The following KIRREL3 variants were observed in gnomAD, a reference collection of about 807,000 sequenced individuals.
KIRREL3 encodes kirre like nephrin family adhesion molecule 3.
Under a neutral mutation model 89.7 loss-of-function variants are expected in KIRREL3, and 36 were observed. The ratio of observed to expected loss-of-function variants is 0.40; its 90% CI spans 0.31 to 0.53. KIRREL3 has a LOEUF of 0.53. Among genes scored for constraint, KIRREL3 ranks in the 20% least tolerant of loss-of-function variants. KIRREL3 has a pLI of 0.49. For missense variants in KIRREL3, 864 were observed against 1,056.6 expected, an observed-to-expected ratio of 0.82 and a Z score of 2.53; for synonymous variants, 445 against 441.4, an observed-to-expected ratio of 1.01 and a Z score of -0.10.
At position 126,685,659 on chromosome 11, in the gene KIRREL3, T is replaced by G. The variant is rs1591958035; in HGVS notation, c.56-122747A>C. ...TAACAGATAAACCTTAATTAAAACA[T>G]TCCAAAATACCATGGCTGAGTTAAA... On this transcript the variant is annotated intron_variant, in intron 1 of 16. Transcript: ENST00000525144. This position sits in a 1 kb window ranked among gnomAD's most constrained non-coding sequence, Gnocchi z 5.5. 2.0e-5 allele frequency among the ~76,000 whole-genome samples: 3 copies of G among 152,352 alleles called. No individual in the cohort carries two copies. Among genetic ancestry groups the G allele is most frequent in the Admixed American group, 6.5e-5 (1 of 15,308 alleles).
At chr11:126,820,383 A>G (rs1943169392) in intron 1 of KIRREL3, among the ~76,000 whole-genome samples, 1 of 152,192 alleles carries the variant, frequency 6.6e-6, no homozygotes, top group African/African-American at 2.4e-5. Flanking sequence ...AGATACACGC[A>G]TAGAAGATCT....
Position 126,521,511 on chromosome 11 carries a change from GAC to G in KIRREL3, c.284-49_284-48del. The stretch of plus-strand genomic sequence containing the variant: ...CAGGGAGCTGGGGTGGGGTGGAGGG[GAC>G]ACCCATGACAAAGAGGCACAGAATG... On this transcript the variant is annotated intron_variant, in intron 3 of 16. Coordinates refer to ENST00000525144, the MANE Select transcript of KIRREL3 (RefSeq NM_032531.4). This position sits in a 1 kb window ranked among gnomAD's most constrained non-coding sequence, Gnocchi z 4.1. The G allele has an allele frequency of 2.0e-6, 3 of 1,516,528 alleles. No individual in the cohort carries two copies. Among genetic ancestry groups the G allele is most frequent in the Non-Finnish European group, 2.7e-6 (3 of 1,122,530 alleles). 93.9% of individuals were successfully genotyped at this position (1,516,528 alleles called of 1,614,324 possible). A position where few individuals can be genotyped will look rare whatever the true frequency, so the allele number is the denominator to read the frequency against.
chr11:126,487,787 G>T (rs1306600747), intron 4 of KIRREL3, among the ~76,000 whole-genome samples: 2 of 152,178 alleles, frequency 1.3e-5, no homozygotes, highest in African/African-American at 4.8e-5. Flanking sequence ...TTACCCTGTG[G>T]GGACAGTCAC....
chr11:126,933,779 G>GAA (rs35968116), intron 1 of KIRREL3, among the ~76,000 whole-genome samples: 7,965 of 146,862 alleles, frequency 0.054, 244 homozygotes, highest in Middle Eastern at 0.12. Context: ...CACCAAAAAG[G>GAA]AAAAAAAAAA....
chr11:126,445,611 C>T (rs905125676), intron 9 of KIRREL3, among the ~76,000 whole-genome samples: 43 of 152,274 alleles, frequency 2.8e-4, no homozygotes, highest in African/African-American at 6.0e-4. Context: ...GCTTGGTCTG[C>T]GTTCGAATCC....
At chr11:126,831,825 A>G (rs1400732734) in intron 1 of KIRREL3, among the ~76,000 whole-genome samples, 1 of 152,174 alleles carries the variant, frequency 6.6e-6, no homozygotes, top group Non-Finnish European at 1.5e-5. Flanking sequence ...TGAGGGTTTG[A>G]CATAACAGAT....
chr11:126,992,179 C>T (rs555618428), intron 1 of KIRREL3, among the ~76,000 whole-genome samples: 2 of 152,316 alleles, frequency 1.3e-5, no homozygotes, highest in South Asian at 4.1e-4. Context: ...GAATGCATCA[C>T]CTACTCCCTA....
At position 126,463,179 on chromosome 11, in the gene KIRREL3, C is replaced by T. The variant is rs754939539; in HGVS notation, c.720G>A (p.Thr240=). The T allele has an allele frequency of 1.5e-5, 24 of 1,613,510 alleles. No individual in the cohort carries two copies. Among genetic ancestry groups the T allele is most frequent in the Admixed American group, 1.7e-5 (1 of 59,988 alleles). ...TNKAIPGGKE[T]SVTIDIQHPP... is the part of the protein sequence containing the mutation. ...CACGCTGGATGTCAATGGTGACCGACGTCTCCTTTCCTCCGGGGATGGCTT... is the reference window on the plus strand; with the variant it reads ...CACGCTGGATGTCAATGGTGACCGATGTCTCCTTTCCTCCGGGGATGGCTT... The change falls in exon 6 of 17, where the codon ACG becomes ACA. Residue 240 remains threonine, a synonymous_variant. Transcript: ENST00000525144. The surrounding 1 kb of genome is among the most constrained non-coding windows in gnomAD (Gnocchi z 5.9).
rs528307319 is a variant in KIRREL3 at position 126,839,695 on chromosome 11, T to C, written c.55+160760A>G. On this transcript the variant is annotated intron_variant, in intron 1 of 16. Coordinates refer to ENST00000525144, the MANE Select transcript of KIRREL3 (RefSeq NM_032531.4). ...GTGAAGGTCTTTGCTGTGGTGGAAGTGTGTTATCTCCCTGAAACATCCAGG... is the reference window on the plus strand; with the variant it reads ...GTGAAGGTCTTTGCTGTGGTGGAAGCGTGTTATCTCCCTGAAACATCCAGG... Among the ~76,000 whole-genome samples the C allele has an allele frequency of 2.8e-4, 42 of 152,308 alleles. No homozygotes were observed. In the South Asian group the frequency reaches 8.7e-3, roughly 32 times the overall value.
In KIRREL3 at chr11:126,783,417, T is replaced by C. The variant is rs1017537605; in HGVS notation, c.55+217038A>G. 1.3e-5 allele frequency among the ~76,000 whole-genome samples: 2 copies of C among 152,174 alleles called. No homozygotes were observed. The highest frequency in any genetic ancestry group is 2.9e-5 in the Non-Finnish European group (2 of 68,036). On this transcript the variant is annotated intron_variant, in intron 1 of 16. Coordinates refer to ENST00000525144, the MANE Select transcript of KIRREL3 (RefSeq NM_032531.4). This position sits in a 1 kb window ranked among gnomAD's most constrained non-coding sequence, Gnocchi z 4.3. ...GCAATATCCCTGCTTCAAAATAAGGTCATATTCTGTGGTATTGGGTGTTAG... is the reference window on the plus strand; with the variant it reads ...GCAATATCCCTGCTTCAAAATAAGGCCATATTCTGTGGTATTGGGTGTTAG...
Position 126,523,273 on chromosome 11 carries a change from G to A in KIRREL3, c.284-1809C>T, listed in dbSNP as rs1958651794. On this transcript the variant is annotated intron_variant, in intron 3 of 16. Transcript: ENST00000525144. The surrounding 1 kb of genome is among the most constrained non-coding windows in gnomAD (Gnocchi z 4.9). ...GAGGTGATTTCTACACCGGGTGAAA[G>A]ATCAGACTAGAGGAGCTTGAAGGCC... 1.3e-5 allele frequency among the ~76,000 whole-genome samples: 2 copies of A among 152,158 alleles called. No individual in the cohort carries two copies. Among genetic ancestry groups the A allele is most frequent in the Admixed American group, 6.5e-5 (1 of 15,278 alleles).
chr11:126,487,644 A>T (rs1241268225), intron 4 of KIRREL3, among the ~76,000 whole-genome samples: 1 of 152,214 alleles, frequency 6.6e-6, no homozygotes, highest in Non-Finnish European at 1.5e-5. Context: ...AAAAAGGGCA[A>T]TATTTTTAGA....
intron 6 of KIRREL3, among the ~76,000 whole-genome samples, chr11:126,456,802 G>A (rs1329896151): frequency 2.0e-5 from 3 of 152,212 alleles, no homozygotes; most frequent in South Asian, 4.1e-4. Flanking sequence ...AGAGAGGGGC[G>A]CGTGGACACT....
At chr11:126,552,105 CT>C (rs1169646987) in intron 2 of KIRREL3, among the ~76,000 whole-genome samples, 1 of 152,200 alleles carries the variant, frequency 6.6e-6, no homozygotes, top group African/African-American at 2.4e-5. Context: ...ATTGGATTTC[CT>C]TCATTTTATA....
Position 126,997,570 on chromosome 11 carries a change from C to A in KIRREL3, c.55+2885G>T, listed in dbSNP as rs957922057. Among the ~76,000 whole-genome samples, 2 of 152,166 alleles carry A rather than the reference C, an allele frequency of 1.3e-5. No individual in the cohort carries two copies. Among genetic ancestry groups the A allele is most frequent in the Non-Finnish European group, 2.9e-5 (2 of 68,034 alleles). On this transcript the variant is annotated intron_variant, in intron 1 of 16. Transcript: ENST00000525144. This position sits in a 1 kb window ranked among gnomAD's most constrained non-coding sequence, Gnocchi z 4.3. ...CAAAGAATAGGGACCCACCATATTA[C>A]TGATATTAATTATACATTGATTTCT...
At chr11:126,556,461 T>A (rs997137177) in intron 2 of KIRREL3, among the ~76,000 whole-genome samples, 7 of 152,048 alleles carry the variant, frequency 4.6e-5, no homozygotes, top group Admixed American at 3.3e-4. Flanking sequence ...GGCAACATAG[T>A]GAGGCACTGT....
intron 1 of KIRREL3, among the ~76,000 whole-genome samples, chr11:126,866,549 T>TTA (rs1944927084): frequency 6.6e-6 from 1 of 151,876 alleles, no homozygotes; most frequent in Non-Finnish European, 1.5e-5. Context: ...CTCCACCCTC[T>TTA]GGCCTGTGCC....
In KIRREL3 at chr11:126,484,994, A is replaced by T. The variant is rs1454027278; in HGVS notation, c.434-11528T>A. ...CCACGCCTGGCTGATATTTTTTGGT[A>T]CTTTTGGTGGAGACGGGGTTTCGTC... On this transcript the variant is annotated intron_variant, in intron 4 of 16. Coordinates refer to ENST00000525144, the MANE Select transcript of KIRREL3 (RefSeq NM_032531.4). This position sits in a 1 kb window ranked among gnomAD's most constrained non-coding sequence, Gnocchi z 5.2. Among the ~76,000 whole-genome samples, 2 of 151,800 alleles carry T rather than the reference A, an allele frequency of 1.3e-5. No homozygotes were observed. The highest frequency in any genetic ancestry group is 3.9e-4 in the East Asian group (2 of 5,186).
Position 126,686,872 on chromosome 11 carries a change from C to T in KIRREL3, c.56-123960G>A, listed in dbSNP as rs183719262. Reference sequence around the variant, plus strand: ...AGGATTACAGGTGTGAGCCACCATGCCTGGATCCTACACTGAATTTTGAAA... The same window carrying T: ...AGGATTACAGGTGTGAGCCACCATGTCTGGATCCTACACTGAATTTTGAAA... On this transcript the variant is annotated intron_variant, in intron 1 of 16. Transcript: ENST00000525144. This position sits in a 1 kb window ranked among gnomAD's most constrained non-coding sequence, Gnocchi z 4.7. 6.6e-6 allele frequency among the ~76,000 whole-genome samples: 1 copy of T among 152,276 alleles called. No individual in the cohort carries two copies. The highest frequency in any genetic ancestry group is 2.4e-5 in the African/African-American group (1 of 41,540).
Sources: allele counts gnomAD v4.1 joint callset (sites outside exome capture counted in the v4.1 genomes callset), GRCh38; gene constraint gnomAD v4.1.1; non-coding constraint Gnocchi (gnomAD v3.1); transcripts MANE v1.5; gene names NCBI Gene and HGNC (gene_info 2026-07-23, HGNC 2026-07-21).